The following DAPL1 variants were observed in gnomAD, a reference collection of about 807,000 sequenced individuals.
The protein encoded by DAPL1 is death associated protein like 1.
Under a neutral mutation model 12.9 loss-of-function variants are expected in DAPL1, and 17 were observed. The ratio of observed to expected loss-of-function variants is 1.32; its 90% CI spans 0.90 to 1.98. DAPL1 has a LOEUF of 1.98. DAPL1 is among the 30% of genes most tolerant of loss of function. DAPL1 has a pLI of 0.00. For missense variants in DAPL1, 157 were observed against 125.7 expected (o/e 1.25, Z -1.19); for synonymous variants, 51 against 42.0 (o/e 1.21, Z -0.82).
At chr2:158,806,942 C>A in intron 2 of DAPL1, 113 bp from the exon 3 acceptor site, 1 of 772,756 alleles carries the variant, frequency 1.3e-6, no homozygotes, top group Non-Finnish European at 2.2e-6. Flanking sequence ...CTAGATGTTC[C>A]TAAGCAAAGT....
intron 1 of DAPL1, among the ~76,000 whole-genome samples, chr2:158,801,898 G>A (rs1447107757): frequency 1.3e-5 from 2 of 151,912 alleles, no homozygotes; most frequent in East Asian, 1.9e-4. Flanking sequence ...CCTATAAATC[G>A]GTAAGAAAAA....
intron 3 of DAPL1, among the ~76,000 whole-genome samples, chr2:158,810,124 G>A (rs1328129008): frequency 6.6e-6 from 1 of 152,154 alleles, no homozygotes; most frequent in Non-Finnish European, 1.5e-5. Context: ...TTTACTGTAG[G>A]TAAGTACTTT....
chr2:158,796,135 T>C (rs1559041495), intron 1 of DAPL1, among the ~76,000 whole-genome samples: 1 of 152,216 alleles, frequency 6.6e-6, no homozygotes, highest in Non-Finnish European at 1.5e-5. Flanking sequence ...TATGTTCATA[T>C]AGATTGGCTG....
intron 2 of DAPL1, among the ~76,000 whole-genome samples, 158 bp downstream of exon 2, chr2:158,804,527 G>A (rs1484000028): frequency 6.6e-6 from 1 of 152,116 alleles, no homozygotes; most frequent in Non-Finnish European, 1.5e-5. Context: ...CTTAGGGTGA[G>A]GGGTGGGGAA....
At chr2:158,801,547 C>A (rs184704344) in intron 1 of DAPL1, among the ~76,000 whole-genome samples, 158 of 151,856 alleles carry the variant, frequency 1.0e-3, no homozygotes, top group Non-Finnish European at 1.6e-4. Context: ...ATGCCATATG[C>A]GTGTGTATAA....
chr2:158,806,030 C>G (rs1035058493), intron 2 of DAPL1, among the ~76,000 whole-genome samples: 1 of 148,300 alleles, frequency 6.7e-6, no homozygotes, highest in Non-Finnish European at 1.5e-5. Flanking sequence ...ATCATTAGCT[C>G]CACATATATC....
At chr2:158,805,237 G>A (rs1293565121) in intron 2 of DAPL1, among the ~76,000 whole-genome samples, 1 of 152,204 alleles carries the variant, frequency 6.6e-6, no homozygotes, top group Non-Finnish European at 1.5e-5. Context: ...CACTTTTAAA[G>A]ATTGCTTCCT....
At position 158,815,763 on chromosome 2, in the gene DAPL1, T is replaced by C. The variant is rs1408541571; in HGVS notation, c.266T>C (p.Leu89Pro). 1.2e-6 allele frequency: 2 copies of C among 1,614,160 alleles called. No homozygotes were observed. Among genetic ancestry groups the C allele is most frequent in the Admixed American group, 1.7e-5 (1 of 60,018 alleles). Residue 89 changes from leucine (L) to proline (P), a missense_variant, in exon 4 of 4, where the codon CTG (leucine) becomes CCG (proline). Leu to Pro is a moderately conservative substitution (Grantham distance 98, BLOSUM62 -3). Coordinates refer to ENST00000309950, the MANE Select transcript of DAPL1 (RefSeq NM_001017920.3). ...GCGCATCAAAAACCCACACCTGCTC[T>C]GGAAAAGGTTGTTCCACTGAAAAGG... is the stretch of plus-strand genomic sequence containing the variant. The part of the protein sequence containing the change: ...HMAHQKPTPA[L>P]EKVVPLKRIY...
At chr2:158,803,954 G>A (rs949175763) in intron 1 of DAPL1, among the ~76,000 whole-genome samples, 8 of 152,132 alleles carry the variant, frequency 5.3e-5, no homozygotes, top group African/African-American at 1.9e-4. Flanking sequence ...AATGTAATTG[G>A]TTTGATAATA....
At chr2:158,801,507 T>A (rs2059167852) in intron 1 of DAPL1, among the ~76,000 whole-genome samples, 2 of 152,228 alleles carry the variant, frequency 1.3e-5, no homozygotes, top group African/African-American at 4.8e-5. Flanking sequence ...TGTTTCCCTA[T>A]AATTTCATTT....
chr2:158,815,810 C>T lies in DAPL1; in HGVS notation c.313C>T (p.Arg105Ter), dbSNP rs138143887. The T allele has an allele frequency of 5.3e-3, 8,529 of 1,610,098 alleles. 28 individuals carry two copies. The highest frequency in any genetic ancestry group is 6.2e-3 in the Non-Finnish European group (7,331 of 1,176,376). The change falls in exon 4 of 4, where the codon CGA (arginine) becomes TGA (stop). Residue 105 changes from arginine (R) to a stop codon, truncating the protein, a stop_gained. Coordinates refer to ENST00000309950, the MANE Select transcript of DAPL1 (RefSeq NM_001017920.3). LOFTEE classifies it high-confidence loss of function. ...LKRIYIIQQPRKC is the reference protein window; with the variant it reads ...LKRIYIIQQP ...AAGGATCTACATTATTCAGCAGCCT[C>T]GAAAATGTTAAGCCTGGATTTAAAA...
At chr2:158,802,222 G>A (rs773619948) in intron 1 of DAPL1, among the ~76,000 whole-genome samples, 3 of 152,146 alleles carry the variant, frequency 2.0e-5, no homozygotes, top group East Asian at 1.9e-4. Flanking sequence ...TTCCAAACAC[G>A]CATACTCTTA....
chr2:158,802,110 T>C (rs868057868), intron 1 of DAPL1, among the ~76,000 whole-genome samples: 9 of 152,214 alleles, frequency 5.9e-5, no homozygotes, highest in Non-Finnish European at 1.3e-4. Context: ...GTAGCTCGCG[T>C]TGTTAACAGG....
At chr2:158,804,075 A>C (rs534325205) in intron 1 of DAPL1, among the ~76,000 whole-genome samples, 22 of 152,290 alleles carry the variant, frequency 1.4e-4, no homozygotes, top group African/African-American at 4.8e-4. Context: ...CTCTGAGCAT[A>C]AACAAGTAGC....
At chr2:158,804,658 T>A (rs1266398870) in intron 2 of DAPL1, among the ~76,000 whole-genome samples, 7 of 152,246 alleles carry the variant, frequency 4.6e-5, no homozygotes, top group African/African-American at 1.7e-4. Context: ...CAGGCCTAAA[T>A]GCATCCAAAC....
At chr2:158,806,838 GAA>G (rs542863747) in intron 2 of DAPL1, among the ~76,000 whole-genome samples, 1 of 123,156 alleles carries the variant, frequency 8.1e-6, no homozygotes, top group East Asian at 3.8e-4. Context: ...CTGTGTCTCA[GAA>G]AAAAAAAAAT....
intron 3 of DAPL1, among the ~76,000 whole-genome samples, chr2:158,813,665 C>T (rs1361987329): frequency 1.3e-5 from 2 of 151,406 alleles, no homozygotes; most frequent in Admixed American, 6.6e-5. Context: ...ATGCCATTCT[C>T]CTGCCTCAGC....
intron 1 of DAPL1, among the ~76,000 whole-genome samples, chr2:158,802,293 T>G (rs1225849274): frequency 6.6e-6 from 1 of 152,216 alleles, no homozygotes; most frequent in African/African-American, 2.4e-5. Flanking sequence ...TTGTGCAAAA[T>G]TATGTATCTA....
chr2:158,810,548 A>G (rs958454572), intron 3 of DAPL1, among the ~76,000 whole-genome samples: 1 of 152,194 alleles, frequency 6.6e-6, no homozygotes, highest in African/African-American at 2.4e-5. Flanking sequence ...CAAAATCAAC[A>G]TGGGGTTTAA....
Sources: allele counts gnomAD v4.1 joint callset (sites outside exome capture counted in the v4.1 genomes callset), GRCh38; gene constraint gnomAD v4.1.1; transcripts MANE v1.5; gene names NCBI Gene and HGNC (gene_info 2026-07-23, HGNC 2026-07-21).